C16orf78: variants seen among roughly 807,000 people sequenced by gnomAD.
The protein encoded by C16orf78 is uncharacterized protein C16orf78.
In C16orf78, 19 loss-of-function variants were observed where a neutral mutation model predicts 27.3. The ratio of observed to expected loss-of-function variants is 0.70; its 90% CI spans 0.49 to 1.02. The LOEUF (loss-of-function observed/expected upper bound fraction) is 1.02, where lower values mean the gene tolerates loss of function less well. Ranked by LOEUF, C16orf78 falls within the 50% of genes least tolerant of loss-of-function variation. The probability of loss-of-function intolerance (pLI) is 0.00; values close to 1 mark genes in which losing one functional copy is unlikely to be tolerated. For synonymous variants in C16orf78, 130 were observed against 116.1 expected, an observed-to-expected ratio of 1.12 and a Z score of -0.77; for missense variants, 339 against 337.0, an observed-to-expected ratio of 1.01 and a Z score of -0.05.
intron 3 of C16orf78, among the ~76,000 whole-genome samples, chr16:49,386,862 G>A (rs755780087): frequency 4.6e-5 from 7 of 152,196 alleles, no homozygotes; most frequent in Non-Finnish European, 8.8e-5. Context: ...GGGCGTTTAA[G>A]TTGATTCCAT....
intron 1 of C16orf78, among the ~76,000 whole-genome samples, chr16:49,375,233 C>G (rs1197215484): frequency 6.6e-6 from 1 of 152,110 alleles, no homozygotes; most frequent in South Asian, 2.1e-4. Flanking sequence ...CAGCACCTGC[C>G]TTTGGGGAAA....
intron 1 of C16orf78, among the ~76,000 whole-genome samples, chr16:49,376,233 C>T (rs573566731): frequency 2.0e-5 from 3 of 152,354 alleles, no homozygotes; most frequent in Admixed American, 6.5e-5. Flanking sequence ...CTTCCCCCAA[C>T]AGACTGCTCA....
At chr16:49,395,234 T>C (rs190675236) in intron 3 of C16orf78, among the ~76,000 whole-genome samples, 2 of 152,312 alleles carry the variant, frequency 1.3e-5, no homozygotes, top group South Asian at 2.1e-4. Flanking sequence ...GACTTTTCTC[T>C]ACATACTTGT....
At chr16:49,379,355 TG>T (rs1175343360) in intron 3 of C16orf78, among the ~76,000 whole-genome samples, 2 of 151,850 alleles carry the variant, frequency 1.3e-5, no homozygotes, top group Admixed American at 1.3e-4. Context: ...TCTGGCCCCT[TG>T]GGACAAAGGT....
At chr16:49,384,218 C>T (rs1053584273) in intron 3 of C16orf78, among the ~76,000 whole-genome samples, 7 of 151,632 alleles carry the variant, frequency 4.6e-5, no homozygotes, top group South Asian at 2.1e-4. Context: ...TGTGGTGGTG[C>T]GTGCCTGTAA....
At chr16:49,387,886 G>A (rs1443806401) in intron 3 of C16orf78, among the ~76,000 whole-genome samples, 4 of 152,138 alleles carry the variant, frequency 2.6e-5, no homozygotes, top group African/African-American at 9.7e-5. Flanking sequence ...TTTCTGTGGG[G>A]TCAGTGGTAA....
chr16:49,392,180 G>GA (rs1163729324), intron 3 of C16orf78, among the ~76,000 whole-genome samples: 2 of 152,066 alleles, frequency 1.3e-5, no homozygotes, highest in Non-Finnish European at 2.9e-5. Context: ...CTTACAAGGG[G>GA]AAAAAAATCA....
intron 1 of C16orf78, among the ~76,000 whole-genome samples, chr16:49,375,668 C>A (rs1567389062): frequency 6.6e-6 from 1 of 152,190 alleles, no homozygotes; most frequent in Non-Finnish European, 1.5e-5. Flanking sequence ...AGACGCAGAT[C>A]CAAACCATAC....
At chr16:49,387,320 A>G (rs1342631445) in intron 3 of C16orf78, among the ~76,000 whole-genome samples, 2 of 150,658 alleles carry the variant, frequency 1.3e-5, no homozygotes, top group Non-Finnish European at 2.9e-5. Flanking sequence ...CTTTCTTGTA[A>G]GTTTAAGTTT....
intron 1 of C16orf78, among the ~76,000 whole-genome samples, chr16:49,374,619 A>C (rs1416292754): frequency 5.9e-5 from 9 of 152,198 alleles, no homozygotes; most frequent in Non-Finnish European, 1.2e-4. Flanking sequence ...CTGGGTCTCC[A>C]TATTGCAGGA....
At chr16:49,389,876 G>T (rs891983649) in intron 3 of C16orf78, among the ~76,000 whole-genome samples, 1 of 152,182 alleles carries the variant, frequency 6.6e-6, no homozygotes, top group African/African-American at 2.4e-5. Flanking sequence ...ATTGGATCCA[G>T]ATTTCTGTGT....
chr16:49,386,142 C>A (rs1265417396), intron 3 of C16orf78, among the ~76,000 whole-genome samples: 1 of 152,148 alleles, frequency 6.6e-6, no homozygotes, highest in Admixed American at 6.6e-5. Context: ...GGGATTGATT[C>A]ATCAAGAAGA....
chr16:49,384,346 CA>C (rs771147270), intron 3 of C16orf78, among the ~76,000 whole-genome samples: 11,126 of 51,060 alleles, frequency 0.22, 401 homozygotes, highest in South Asian at 0.25. Context: ...AAAACTCCAT[CA>C]AAAAAAAAAA....
chr16:49,373,909 C>G lies in C16orf78; in HGVS notation c.-31C>G. The G allele has an allele frequency of 3.1e-6, 5 of 1,612,852 alleles. No homozygotes were observed. Among genetic ancestry groups the G allele is most frequent in the Non-Finnish European group, 4.2e-6 (5 of 1,179,392 alleles). On this transcript the variant is annotated 5_prime_UTR_variant, in exon 1 of 5. Transcript: ENST00000299191. ...GAAAGAGTGAGACAGTGCCAGCCACCTCCCACCCAAGCCACTAGCAAGACT... is the reference window on the plus strand; with the variant it reads ...GAAAGAGTGAGACAGTGCCAGCCACGTCCCACCCAAGCCACTAGCAAGACT...
At chr16:49,385,200 AC>A (rs140242109) in intron 3 of C16orf78, among the ~76,000 whole-genome samples, 2,522 of 152,258 alleles carry the variant, frequency 0.017, 72 homozygotes, top group African/African-American at 0.058. Context: ...AAGCTAAAAA[AC>A]AAATGTATTA....
intron 3 of C16orf78, among the ~76,000 whole-genome samples, chr16:49,383,284 A>G (rs1276975772): frequency 1.3e-5 from 2 of 152,244 alleles, no homozygotes; most frequent in Non-Finnish European, 2.9e-5. Context: ...CAAGAGGACT[A>G]AAATGAATGG....
chr16:49,378,809 G>A (rs1344584496), intron 3 of C16orf78, among the ~76,000 whole-genome samples: 2 of 152,200 alleles, frequency 1.3e-5, no homozygotes, highest in East Asian at 3.9e-4. Context: ...GGAGGCAAGT[G>A]TCTGTCAAGG....
At chr16:49,375,861 T>C (rs1335815292) in intron 1 of C16orf78, among the ~76,000 whole-genome samples, 1 of 152,208 alleles carries the variant, frequency 6.6e-6, no homozygotes, top group African/African-American at 2.4e-5. Context: ...TCACAGGAAT[T>C]ACATTCACTT....
Position 49,399,377 on chromosome 16 carries a change from A to C in C16orf78, c.*99A>C. On this transcript the variant is annotated 3_prime_UTR_variant, in exon 5 of 5. Transcript: ENST00000299191. ...ACACTACAAGTGGTCCTTCCAACTT[A>C]GTGCATCCCTTTAGAAAGTAAGCAA... 1 of 1,386,418 alleles carries C rather than the reference A, an allele frequency of 7.2e-7. No homozygotes were observed. Among genetic ancestry groups the C allele is most frequent in the Non-Finnish European group, 9.9e-7 (1 of 1,007,358 alleles). The allele number at this position is 1,386,418 out of a possible 1,614,324, so 85.9% of individuals were successfully genotyped here.
Sources: gnomAD v4.1 joint callset for allele counts (sites outside exome capture counted in the v4.1 genomes callset) on GRCh38, gnomAD v4.1.1 for gene constraint, MANE v1.5 for transcripts, NCBI Gene and HGNC (gene_info 2026-07-23, HGNC 2026-07-21) for gene names.